SYNE1: variants seen among roughly 807,000 people sequenced by gnomAD.
The protein encoded by SYNE1 is nesprin-1.
In SYNE1, 616 loss-of-function variants were observed where a neutral mutation model predicts 1,111.0. The ratio of observed to expected loss-of-function variants is 0.55; its 90% CI spans 0.52 to 0.59. The LOEUF is 0.59. Among genes scored for constraint, SYNE1 ranks in the 20% least tolerant of loss-of-function variants. The pLI, the probability that SYNE1 is intolerant of heterozygous loss-of-function variation, is 0.00. For missense variants in SYNE1, 10,006 were observed against 10,417.0 expected, an observed-to-expected ratio of 0.96 and a Z score of 1.72; for synonymous variants, 3,855 against 3,825.8, an observed-to-expected ratio of 1.01 and a Z score of -0.28.
chr6:152,274,079 A>G (rs2093413503), intron 98 of SYNE1, among the ~76,000 whole-genome samples: 1 of 152,250 alleles, frequency 6.6e-6, no homozygotes, highest in Non-Finnish European at 1.5e-5. Context: ...TGAAAATAGA[A>G]GAAAGCATTA....
In SYNE1 at chr6:152,236,197, A is replaced by C; in HGVS notation, c.20306T>G (p.Leu6769Arg). Residue 6769 changes from leucine (L) to arginine (R), a missense_variant, in exon 110 of 146, where the codon CTA becomes CGA. Coordinates refer to ENST00000367255, the MANE Select transcript of SYNE1 (RefSeq NM_182961.4). The stretch of plus-strand genomic sequence containing the variant: ...TAGCCAGCACTCTCCAAGTTGATTT[A>C]GTTGGCTTTCTAGATCTGAGCAGCT... ...SISCSDLESQ[L>R]NQLGECWLSN... 6.2e-7 allele frequency: 1 copy of C among 1,614,194 alleles called. No homozygotes were observed. Among genetic ancestry groups the C allele is most frequent in the Non-Finnish European group, 8.5e-7 (1 of 1,180,026 alleles).
At chr6:152,253,827 T>TTTG (rs2090090197) in intron 104 of SYNE1, among the ~76,000 whole-genome samples, 1 of 57,568 alleles carries the variant, frequency 1.7e-5, no homozygotes, top group Non-Finnish European at 2.9e-5. Context: ...GGTTTTTTTT[T>TTTG]TTTTTTTTTT....
intron 10 of SYNE1, among the ~76,000 whole-genome samples, chr6:152,500,264 A>C (rs1366682095): frequency 6.6e-6 from 1 of 152,244 alleles, no homozygotes; most frequent in African/African-American, 2.4e-5. Flanking sequence ...ATCAAAACCC[A>C]GCAAGCCCCA....
chr6:152,544,244 T>C (rs75806842), intron 3 of SYNE1, among the ~76,000 whole-genome samples: 2,199 of 152,276 alleles, frequency 0.014, 46 homozygotes, highest in African/African-American at 0.05. Flanking sequence ...TGATAGGCTC[T>C]GATTTAAGAC....
intron 97 of SYNE1, 78 bp downstream of exon 97, chr6:152,281,729 T>A: frequency 6.6e-7 from 1 of 1,522,370 alleles, no homozygotes; most frequent in Non-Finnish European, 9.1e-7. Flanking sequence ...ACACCAAGCC[T>A]TTTTATAGTA....
chr6:152,168,214 A>C, intron 130 of SYNE1: 1 of 760,228 alleles, frequency 1.3e-6, no homozygotes, highest in East Asian at 2.4e-5. Context: ...TGAAGCTTCC[A>C]CTTGCAAAAG....
At chr6:152,347,266 A>G in intron 72 of SYNE1, 31 bp from the exon 73 acceptor site, 4 of 1,613,340 alleles carry the variant, frequency 2.5e-6, no homozygotes, top group South Asian at 2.2e-5. Flanking sequence ...CAGAGTTTTC[A>G]GAATTCTACT....
At chr6:152,609,089 G>T (rs1174521057) in intron 3 of SYNE1, among the ~76,000 whole-genome samples, 1 of 152,020 alleles carries the variant, frequency 6.6e-6, no homozygotes, top group African/African-American at 2.4e-5. Context: ...TCCAACTGAG[G>T]TACCTGGTTC....
At chr6:152,617,523 A>G (rs1181547616) in intron 3 of SYNE1, among the ~76,000 whole-genome samples, 1 of 152,204 alleles carries the variant, frequency 6.6e-6, no homozygotes, top group African/African-American at 2.4e-5. Context: ...CCCAACAAAT[A>G]TTTGTTAAAT....
chr6:152,446,926 G>T (rs1417795650), intron 29 of SYNE1, among the ~76,000 whole-genome samples: 2 of 152,098 alleles, frequency 1.3e-5, no homozygotes, highest in African/African-American at 4.8e-5. Context: ...ACCAGCTATT[G>T]AGCATTTACT....
At chr6:152,579,548 G>A (rs561366773) in intron 3 of SYNE1, among the ~76,000 whole-genome samples, 4 of 152,090 alleles carry the variant, frequency 2.6e-5, no homozygotes, top group African/African-American at 9.7e-5. Context: ...TTCAGGGGGT[G>A]CATGTACAGG....
intron 131 of SYNE1, among the ~76,000 whole-genome samples, chr6:152,157,660 C>T (rs9371242): frequency 0.045 from 6,772 of 151,908 alleles, 391 homozygotes; most frequent in East Asian, 0.24. Context: ...ATGCATGTAA[C>T]AAAATATCAT....
chr6:152,505,213 GCAGT>G lies in SYNE1; in HGVS notation c.762_765del (p.Arg254SerfsTer2). On this transcript the variant is annotated frameshift_variant, in exon 9 of 146. Transcript: ENST00000367255. LOFTEE classifies it high-confidence loss of function. Reference sequence around the variant, plus strand: ...ATATTCAGCCTACCTTCAGGATCTAGCAGTCTTGGGATCCCCAGTTCTGTTTCGG... The same window carrying G: ...ATATTCAGCCTACCTTCAGGATCTAGCTTGGGATCCCCAGTTCTGTTTCGG... The G allele has an allele frequency of 6.2e-7, 1 of 1,613,946 alleles. No individual in the cohort carries two copies.
rs542975178 is a variant in SYNE1, at chr6:152,311,315, T to C, written c.16711-442A>G. ...CTGAAGTTCATATTTGTCTAAGAAATGAAAATAAGAACAAGAGCATTACAA... is the reference window on the plus strand; with the variant it reads ...CTGAAGTTCATATTTGTCTAAGAAACGAAAATAAGAACAAGAGCATTACAA... On this transcript the variant is annotated intron_variant, in intron 87 of 145. Transcript: ENST00000367255. The C allele has an allele frequency of 3.0e-5, 6 of 197,810 alleles. No individual in the cohort carries two copies. In the South Asian group the frequency reaches 5.8e-4, roughly 19 times the overall value. The allele number at this position is 197,810 out of a possible 1,614,324, so 12.3% of individuals were successfully genotyped here. A position where few individuals can be genotyped will look rare whatever the true frequency, so the allele number is the denominator to read the frequency against.
At chr6:152,281,220 G>T (rs1419206898) in intron 97 of SYNE1, among the ~76,000 whole-genome samples, 4 of 152,022 alleles carry the variant, frequency 2.6e-5, no homozygotes, top group African/African-American at 7.2e-5. Context: ...ATGCATTTTT[G>T]AAAAATTCCA....
chr6:152,192,418 C>T (rs2072752945), intron 127 of SYNE1, among the ~76,000 whole-genome samples: 1 of 149,012 alleles, frequency 6.7e-6, no homozygotes, highest in African/African-American at 2.5e-5. Flanking sequence ...CTTTATATAC[C>T]TGGATACATG....
intron 55 of SYNE1, among the ~76,000 whole-genome samples, chr6:152,384,909 G>A (rs913090403): frequency 6.6e-6 from 1 of 151,458 alleles, no homozygotes; most frequent in Admixed American, 6.6e-5. Context: ...TCTGCAAAAT[G>A]TGGTTACAAT....
chr6:152,258,584 A>T (rs1433231691), intron 101 of SYNE1, among the ~76,000 whole-genome samples: 5 of 152,136 alleles, frequency 3.3e-5, no homozygotes, highest in Non-Finnish European at 7.3e-5. Flanking sequence ...TCCTAAATAC[A>T]AGACTCCTAG....
chr6:152,405,534 T>C (rs1371117510), intron 45 of SYNE1, among the ~76,000 whole-genome samples: 1 of 152,228 alleles, frequency 6.6e-6, no homozygotes, highest in Non-Finnish European at 1.5e-5. Context: ...GTGATATGTT[T>C]TTAGTTGTCA....
Sources: gnomAD v4.1 joint callset for allele counts (sites outside exome capture counted in the v4.1 genomes callset) on GRCh38, gnomAD v4.1.1 for gene constraint, MANE v1.5 for transcripts, NCBI Gene and HGNC (gene_info 2026-07-23, HGNC 2026-07-21) for gene names.